The following SPART variants were observed in gnomAD, a reference collection of about 807,000 sequenced individuals.
The protein encoded by SPART is spartin, also known as spastic paraplegia 20 (Troyer syndrome).
Under a neutral mutation model 58.7 loss-of-function variants are expected in SPART, and 35 were observed. That is an observed-to-expected ratio of 0.60 (90% CI 0.46 to 0.79). SPART has a LOEUF of 0.79. Among genes scored for constraint, SPART ranks in the 30% least tolerant of loss-of-function variants. SPART has a pLI of 0.00. For synonymous variants in SPART, 284 were observed against 280.7 expected (o/e 1.01, Z -0.12); for missense variants, 730 against 786.1 (o/e 0.93, Z 0.85).
intron 5 of SPART, among the ~76,000 whole-genome samples, chr13:36,317,348 C>T: frequency 6.6e-6 from 1 of 152,060 alleles, no homozygotes. Context: ...CTCTTAGCAG[C>T]AAGTCCTGCT....
intron 1 of SPART, among the ~76,000 whole-genome samples, chr13:36,344,660 T>C (rs1208214139): frequency 2.0e-5 from 3 of 152,084 alleles, no homozygotes; most frequent in Admixed American, 1.3e-4. Flanking sequence ...GAAATAAGGA[T>C]TGGAGGATGG....
At chr13:36,306,438 C>T (rs1594113034) in intron 8 of SPART, among the ~76,000 whole-genome samples, 1 of 152,150 alleles carries the variant, frequency 6.6e-6, no homozygotes, top group East Asian at 1.9e-4. Flanking sequence ...CTTATTTTTC[C>T]AGAACCATGT....
chr13:36,336,664 A>C (rs1884039537), intron 1 of SPART, among the ~76,000 whole-genome samples: 13 of 152,184 alleles, frequency 8.5e-5, no homozygotes, highest in Admixed American at 8.5e-4. Context: ...CCACTCAATG[A>C]CCCAACAATT....
At chr13:36,352,771 G>A (rs551151869) in intron 1 of SPART, among the ~76,000 whole-genome samples, 46 of 148,744 alleles carry the variant, frequency 3.1e-4, no homozygotes, top group African/African-American at 1.1e-3. Flanking sequence ...GGGCAACACA[G>A]GGAGATCCCG....
intron 1 of SPART, among the ~76,000 whole-genome samples, chr13:36,364,804 C>G (rs779886065): frequency 1.3e-5 from 2 of 152,150 alleles, no homozygotes; most frequent in African/African-American, 2.4e-5. Context: ...GTTGACTTGA[C>G]CAAGGTCCTC....
At chr13:36,343,872 T>C (rs1277567872) in intron 1 of SPART, among the ~76,000 whole-genome samples, 2 of 151,780 alleles carry the variant, frequency 1.3e-5, no homozygotes, top group Non-Finnish European at 2.9e-5. Flanking sequence ...GATCAGAAGA[T>C]TATCTGTCAA....
chr13:36,350,286 G>A (rs1885360664), upstream of SPART, among the ~76,000 whole-genome samples: 1 of 152,108 alleles, frequency 6.6e-6, no homozygotes, highest in South Asian at 2.1e-4. Context: ...AGTTATGCCG[G>A]TGAACACTTA....
At chr13:36,319,793 A>G (rs1161701990) in intron 5 of SPART, among the ~76,000 whole-genome samples, 1 of 144,306 alleles carries the variant, frequency 6.9e-6, no homozygotes, top group African/African-American at 2.5e-5. Context: ...CAAATTACCT[A>G]GGCTGTACTG....
intron 8 of SPART, among the ~76,000 whole-genome samples, chr13:36,309,919 C>A (rs1880918086): frequency 6.6e-6 from 1 of 152,102 alleles, no homozygotes. Flanking sequence ...TAAAGCAATT[C>A]CTACTTCCTA....
chr13:36,348,336 T>G (rs1176310122), upstream of SPART, among the ~76,000 whole-genome samples: 1 of 152,238 alleles, frequency 6.6e-6, no homozygotes, highest in Admixed American at 6.5e-5. Flanking sequence ...TCATCTACTC[T>G]ACTTCTTTAC....
At chr13:36,360,372 A>G (rs1885806795) in intron 1 of SPART, among the ~76,000 whole-genome samples, 1 of 152,080 alleles carries the variant, frequency 6.6e-6, no homozygotes, top group Non-Finnish European at 1.5e-5. Context: ...CTACCCTAGT[A>G]AGTTCACTGG....
chr13:36,359,461 GT>G (rs2137714669), intron 1 of SPART, among the ~76,000 whole-genome samples: 1 of 152,232 alleles, frequency 6.6e-6, no homozygotes, highest in African/African-American at 2.4e-5. Flanking sequence ...GCCTCTTCAG[GT>G]TAGCTGTAAA....
intron 5 of SPART, among the ~76,000 whole-genome samples, chr13:36,316,048 T>G (rs1243908455): frequency 6.6e-6 from 1 of 152,266 alleles, no homozygotes; most frequent in East Asian, 1.9e-4. Context: ...GGTAGCTATG[T>G]AGATATTTTA....
intron 5 of SPART, among the ~76,000 whole-genome samples, chr13:36,323,063 T>C (rs1882575925): frequency 6.6e-6 from 1 of 152,154 alleles, no homozygotes; most frequent in South Asian, 2.1e-4. Context: ...TAGGGAGGCA[T>C]CATAGTTGCC....
At chr13:36,317,585 C>T (rs61952472) in intron 5 of SPART, among the ~76,000 whole-genome samples, 24,740 of 150,288 alleles carry the variant, frequency 0.16, 2,386 homozygotes, top group Non-Finnish European at 0.22. Flanking sequence ...CTTATTTCCA[C>T]GCCCTGACCT....
At chr13:36,311,725 G>C (rs1881126956) in intron 8 of SPART, among the ~76,000 whole-genome samples, 1 of 152,112 alleles carries the variant, frequency 6.6e-6, no homozygotes, top group African/African-American at 2.4e-5. Context: ...AGCAGTGAGT[G>C]AAAAAAATTA....
At chr13:36,333,103 G>A (rs1176197421) in intron 2 of SPART, among the ~76,000 whole-genome samples, 2 of 147,908 alleles carry the variant, frequency 1.4e-5, no homozygotes, top group Non-Finnish European at 3.0e-5. Context: ...TCACCAAATT[G>A]TCTTTAAAAA....
rs1400112376 is a variant in SPART, at chr13:36,318,812, G to A, written c.1289-4391C>T. On this transcript the variant is annotated intron_variant, in intron 5 of 8. Coordinates refer to ENST00000438666, the MANE Select transcript of SPART (RefSeq NM_015087.5). ...TCTGTGTGGGACCCCACTGAAAATC[G>A]GACTGTTCAACTCACCTGGCAGCCA... Among the ~76,000 whole-genome samples, 466 of 152,182 alleles carry A rather than the reference G, an allele frequency of 3.1e-3. 3 individuals carry two copies. Among genetic ancestry groups the A allele is most frequent in the African/African-American group, 0.011 (442 of 41,532 alleles).
intron 8 of SPART, among the ~76,000 whole-genome samples, chr13:36,309,457 C>T (rs1051211836): frequency 6.6e-6 from 1 of 152,108 alleles, no homozygotes; most frequent in Non-Finnish European, 1.5e-5. Flanking sequence ...CTGCACTATT[C>T]ATAACAGCAA....
Sources: gnomAD v4.1 joint callset for allele counts (sites outside exome capture counted in the v4.1 genomes callset) on GRCh38, gnomAD v4.1.1 for gene constraint, MANE v1.5 for transcripts, NCBI Gene and HGNC (gene_info 2026-07-23, HGNC 2026-07-21) for gene names.